The following PACRGL variants were observed in gnomAD, a reference collection of about 807,000 sequenced individuals.
The protein encoded by PACRGL is parkin coregulated like.
PACRGL carries 38 observed loss-of-function variants against 34.5 expected under a neutral mutation model. That is an observed-to-expected ratio of 1.10 (90% CI 0.85 to 1.44). PACRGL has a LOEUF of 1.44. PACRGL is among the 40% of genes most tolerant of loss of function. The pLI is 0.00. For synonymous variants in PACRGL, 128 were observed against 100.1 expected (o/e 1.28, Z -1.66); for missense variants, 305 against 281.4 (o/e 1.08, Z -0.60).
the PACRGL span, among the ~76,000 whole-genome samples, chr4:20,762,910 G>A: frequency 1.3e-5 from 2 of 151,780 alleles, no homozygotes; most frequent in African/African-American, 4.8e-5. Context: ...TTACAATCAT[G>A]GTGGAAGGCA....
chr4:20,697,001 A>G (rs1006189856), upstream of PACRGL, among the ~76,000 whole-genome samples: 1 of 152,258 alleles, frequency 6.6e-6, no homozygotes, highest in African/African-American at 2.4e-5. Context: ...CCTTTAAAAA[A>G]TATGCCTACT....
chr4:20,724,042 T>G (rs1264931560), intron 7 of PACRGL, among the ~76,000 whole-genome samples: 1 of 152,148 alleles, frequency 6.6e-6, no homozygotes, highest in Non-Finnish European at 1.5e-5. Context: ...GTATTATTCT[T>G]CTAGAAAAAG....
intron 7 of PACRGL, among the ~76,000 whole-genome samples, chr4:20,714,553 T>A (rs1268850954): frequency 6.6e-6 from 1 of 152,200 alleles, no homozygotes; most frequent in Non-Finnish European, 1.5e-5. Flanking sequence ...TGATATTAGC[T>A]GGTTATTTTG....
chr4:20,713,608 T>A, intron 7 of PACRGL, 69 bp downstream of exon 7: 3 of 1,319,458 alleles, frequency 2.3e-6, no homozygotes, highest in Non-Finnish European at 3.2e-6. Flanking sequence ...TCTTCATGAT[T>A]TAACAATTTC....
intron 1 of PACRGL, 22 bp from the exon 2 acceptor site, chr4:20,704,444 C>CT (rs749114839): frequency 0.031 from 34,611 of 1,105,598 alleles, no homozygotes; most frequent in South Asian, 0.036. Context: ...TTGAAATCAA[C>CT]TTTTTTTTTT....
In PACRGL at chr4:20,729,866, G is replaced by C. The variant is rs1747508041; in HGVS notation, c.*2525G>C. On this transcript the variant is annotated 3_prime_UTR_variant, in exon 9 of 9. Coordinates refer to ENST00000503585, the MANE Select transcript of PACRGL (RefSeq NM_001258345.3). ...TATTCACAGAGTATGAAATGAGTTA[G>C]ACCATCCCCTGAACTCAGTGGCATT... 2.3e-6 allele frequency: 1 copy of C among 443,818 alleles called. No individual in the cohort carries two copies. Among genetic ancestry groups the C allele is most frequent in the South Asian group, 5.9e-5 (1 of 16,834 alleles). 27.5% of individuals were successfully genotyped at this position (443,818 alleles called of 1,614,324 possible). A position where few individuals can be genotyped will look rare whatever the true frequency, so the allele number is the denominator to read the frequency against.
downstream of PACRGL, chr4:20,732,734 A>G: frequency 6.2e-7 from 1 of 1,612,956 alleles, no homozygotes; most frequent in South Asian, 1.1e-5. Flanking sequence ...AGGACAGGAT[A>G]TGTACATTTA....
At position 20,730,244 on chromosome 4, in the gene PACRGL, AG is replaced by A. The variant is rs1192940901; in HGVS notation, c.*2904del. 1 of 1,304,946 alleles carries A rather than the reference AG, an allele frequency of 7.7e-7. No homozygotes were observed. The highest frequency in any genetic ancestry group is 1.5e-5 in the African/African-American group (1 of 66,826). The allele number at this position is 1,304,946 out of a possible 1,614,324, so 80.8% of individuals were successfully genotyped here. A position where few individuals can be genotyped will look rare whatever the true frequency, so the allele number is the denominator to read the frequency against. ...AACCACCTCAACCACCTATGCCAAA[AG>A]CTCAAATATTAAGTGTTTGCAAATG... is the stretch of plus-strand genomic sequence containing the variant. On this transcript the variant is annotated 3_prime_UTR_variant, in exon 9 of 9. Transcript: ENST00000503585.
chr4:20,744,993 A>T (rs1490366666), intron 8 of PACRGL, among the ~76,000 whole-genome samples: 4 of 152,124 alleles, frequency 2.6e-5, no homozygotes, highest in Non-Finnish European at 4.4e-5. Flanking sequence ...TGTGGTTGCC[A>T]TTTGACTAAA....
At chr4:20,705,594 C>A (rs1048329646) in intron 3 of PACRGL, among the ~76,000 whole-genome samples, 1 of 152,026 alleles carries the variant, frequency 6.6e-6, no homozygotes, top group Non-Finnish European at 1.5e-5. Flanking sequence ...AATTGAATAC[C>A]TGAAGAAGGC....
At chr4:20,721,345 C>T (rs1235663080) in intron 7 of PACRGL, among the ~76,000 whole-genome samples, 2 of 152,170 alleles carry the variant, frequency 1.3e-5, no homozygotes, top group Non-Finnish European at 2.9e-5. Context: ...ATTCTCCGTC[C>T]AGCTTAGTTC....
At chr4:20,698,307 T>C (rs1228249550), upstream of PACRGL, among the ~76,000 whole-genome samples, 1 of 152,186 alleles carries the variant, frequency 6.6e-6, no homozygotes, top group African/African-American at 2.4e-5. Context: ...TCACCTTTTT[T>C]CCCTCATCCC....
Position 20,722,051 on chromosome 4 carries a change from C to T in PACRGL, c.610-2757C>T, listed in dbSNP as rs868443785. The stretch of plus-strand genomic sequence containing the variant: ...GGGCGCCCCTCTCCCAGCCTTGCTG[C>T]CGCCTTGCAGTTCTATCCCAGACTG... On this transcript the variant is annotated intron_variant, in intron 7 of 8. Transcript: ENST00000503585. Among the ~76,000 whole-genome samples the T allele has an allele frequency of 3.1e-4, 47 of 152,376 alleles. No homozygotes were observed. In the South Asian group the frequency reaches 4.1e-3, roughly 13 times the overall value.
At chr4:20,719,006 G>C (rs374942545) in intron 7 of PACRGL, 1 of 152,114 alleles carries the variant, frequency 6.6e-6, no homozygotes, top group African/African-American at 2.4e-5. Context: ...CTCAATTTCC[G>C]AGCCTGTTAT....
chr4:20,756,172 TAA>T (rs61417409), downstream of PACRGL, among the ~76,000 whole-genome samples: 10 of 139,286 alleles, frequency 7.2e-5, no homozygotes, highest in Admixed American at 3.6e-4. Flanking sequence ...TGGAAAGTAG[TAA>T]AAAAAAAAAA....
chr4:20,742,797 A>G (rs1404798701), intron 8 of PACRGL, among the ~76,000 whole-genome samples: 1 of 152,152 alleles, frequency 6.6e-6, no homozygotes, highest in Admixed American at 6.5e-5. Context: ...GGATGACATG[A>G]TTGTATATTT....
At chr4:20,756,264 G>A (rs910781904), downstream of PACRGL, among the ~76,000 whole-genome samples, 1 of 152,002 alleles carries the variant, frequency 6.6e-6, no homozygotes, top group African/African-American at 2.4e-5. Context: ...TTGAGTAGAT[G>A]TCAAAGTTGA....
At position 20,713,539 on chromosome 4, in the gene PACRGL, CG is replaced by C. The variant is rs774921337; in HGVS notation, c.609+1del. 6.3e-7 allele frequency: 1 copy of C among 1,598,380 alleles called. No individual in the cohort carries two copies. Among genetic ancestry groups the C allele is most frequent in the South Asian group, 1.1e-5 (1 of 90,728 alleles). ...ACCATCTGAAGCATCTGCTTACAAG[CG>C]TAAGTACTGCAAAGATTAGATAATG... On this transcript the variant is annotated splice_donor_variant, in intron 7 of 8. Transcript: ENST00000503585. LOFTEE classifies it high-confidence loss of function.
rs567764935 is a variant in PACRGL, at chr4:20,729,202, G to C, written c.*1861G>C. On this transcript the variant is annotated 3_prime_UTR_variant, in exon 9 of 9. Coordinates refer to ENST00000503585, the MANE Select transcript of PACRGL (RefSeq NM_001258345.3). ...ACAGATTTGGCCTTTAATGCTGTTA[G>C]GATTACTTGTTATTAAGCATTACTA... The C allele has an allele frequency of 2.0e-5, 3 of 151,852 alleles. No individual in the cohort carries two copies. Among genetic ancestry groups the C allele is most frequent in the Non-Finnish European group, 4.4e-5 (3 of 67,974 alleles). 9.4% of individuals were successfully genotyped at this position (151,852 alleles called of 1,614,324 possible).
Sources: gnomAD v4.1 joint callset for allele counts (sites outside exome capture counted in the v4.1 genomes callset) on GRCh38, gnomAD v4.1.1 for gene constraint, MANE v1.5 for transcripts, NCBI Gene and HGNC (gene_info 2026-07-23, HGNC 2026-07-21) for gene names.